Variants in AIG1 observed in about 807,000 individuals in gnomAD.
AIG1 encodes the protein androgen-induced gene 1 protein.
AIG1 carries 23 observed loss-of-function variants against 31.4 expected under a neutral mutation model. That is an observed-to-expected ratio of 0.73 (90% CI 0.53 to 1.04). The LOEUF (loss-of-function observed/expected upper bound fraction) is 1.04, where lower values mean the gene tolerates loss of function less well. Among genes scored for constraint, AIG1 ranks in the 50% least tolerant of loss-of-function variants. The probability of loss-of-function intolerance (pLI) is 0.00; values close to 1 mark genes in which losing one functional copy is unlikely to be tolerated. For synonymous variants in AIG1, 100 were observed against 110.5 expected (o/e 0.90, Z 0.60); for missense variants, 274 against 295.0 (o/e 0.93, Z 0.52).
rs1173979415 is a variant in AIG1, at chr6:143,280,650, T to C, written c.400-3460T>C. Among the ~76,000 whole-genome samples the C allele has an allele frequency of 6.6e-6, 1 of 152,180 alleles. No individual in the cohort carries two copies. The highest frequency in any genetic ancestry group is 2.4e-5 in the African/African-American group (1 of 41,442). On this transcript the variant is annotated intron_variant, in intron 3 of 5. Transcript: ENST00000357847. The surrounding 1 kb of genome is among the most constrained non-coding windows in gnomAD (Gnocchi z 4.1). ...AAAACCAAACACCGCATGTTCTCACTTATAAGTGGGAGCTAAATGATAAGA... is the reference window on the plus strand; with the variant it reads ...AAAACCAAACACCGCATGTTCTCACCTATAAGTGGGAGCTAAATGATAAGA...
At chr6:143,246,948 G>A in intron 3 of AIG1, among the ~76,000 whole-genome samples, 1 of 152,162 alleles carries the variant, frequency 6.6e-6, no homozygotes, top group East Asian at 1.9e-4. Context: ...TTTATGACAG[G>A]AAAAGGATAC....
intron 4 of AIG1, among the ~76,000 whole-genome samples, chr6:143,306,180 A>G (rs949198010): frequency 6.6e-5 from 10 of 151,710 alleles, no homozygotes; most frequent in African/African-American, 1.9e-4. Context: ...TCTTTATCCA[A>G]TTTACCAGTC....
intron 4 of AIG1, among the ~76,000 whole-genome samples, chr6:143,302,537 C>T (rs1333153207): frequency 6.6e-6 from 1 of 152,142 alleles, no homozygotes; most frequent in African/African-American, 2.4e-5. Context: ...ATCCATGTCC[C>T]TACAAAGGAC....
intron 2 of AIG1, among the ~76,000 whole-genome samples, chr6:143,147,857 A>G (rs1453455568): frequency 2.0e-5 from 3 of 152,120 alleles, no homozygotes; most frequent in Non-Finnish European, 4.4e-5. Flanking sequence ...AAAATGGAAT[A>G]ATGAGAGTTG....
chr6:143,074,399 T>C (rs573158223), intron 1 of AIG1, among the ~76,000 whole-genome samples: 93 of 152,354 alleles, frequency 6.1e-4, no homozygotes, highest in Admixed American at 5.9e-4. Flanking sequence ...ATGTCGATTA[T>C]GCATTTCATG....
rs1003381922 is a variant in AIG1 at position 143,189,544 on chromosome 6, C to T, written c.399+24361C>T. On this transcript the variant is annotated intron_variant, in intron 3 of 5. Transcript: ENST00000357847. ...AAGTTATTTGCTTATGAATTTTTCT[C>T]CAATTGCCTGTATTTGGTAAGTTTG... The T allele has an allele frequency of 1.0e-5, 10 of 985,218 alleles. No individual in the cohort carries two copies. The African/African-American group carries it at 1.6e-4, about 16-fold the overall frequency. 61.0% of individuals were successfully genotyped at this position (985,218 alleles called of 1,614,324 possible). A position where few individuals can be genotyped will look rare whatever the true frequency, so the allele number is the denominator to read the frequency against.
intron 4 of AIG1, among the ~76,000 whole-genome samples, chr6:143,289,100 A>G (rs982692756): frequency 6.6e-6 from 1 of 152,100 alleles, no homozygotes; most frequent in Non-Finnish European, 1.5e-5. Context: ...TCAGACCCTA[A>G]ATGGCATCAG....
At chr6:143,343,353 GC>G (rs941492160), downstream of AIG1, 5 of 586,672 alleles carry the variant, frequency 8.5e-6, no homozygotes, top group Non-Finnish European at 1.0e-5. Context: ...GAGGACTAAT[GC>G]CCCCCCAAAC....
chr6:143,171,444 T>C (rs1164532475), intron 3 of AIG1, among the ~76,000 whole-genome samples: 1 of 72,990 alleles, frequency 1.4e-5, no homozygotes, highest in South Asian at 4.8e-4. Context: ...ATATATATAA[T>C]ATATATATTT....
At chr6:143,187,009 C>T (rs1322726567) in intron 3 of AIG1, among the ~76,000 whole-genome samples, 2 of 152,100 alleles carry the variant, frequency 1.3e-5, no homozygotes, top group African/African-American at 4.8e-5. Flanking sequence ...AAATTAAAGC[C>T]TCCCTAGAGC....
At chr6:143,079,156 TC>T (rs1375372661) in intron 1 of AIG1, among the ~76,000 whole-genome samples, 2 of 152,170 alleles carry the variant, frequency 1.3e-5, no homozygotes, top group East Asian at 3.9e-4. Flanking sequence ...CAGCAGGACT[TC>T]CTCTTGCTTG....
Position 143,328,942 on chromosome 6 carries a change from G to A in AIG1, c.516-4340G>A, listed in dbSNP as rs891481693. Among the ~76,000 whole-genome samples, 1 of 152,168 alleles carries A rather than the reference G, an allele frequency of 6.6e-6. No individual in the cohort carries two copies. Among genetic ancestry groups the A allele is most frequent in the African/African-American group, 2.4e-5 (1 of 41,450 alleles). On this transcript the variant is annotated intron_variant, in intron 4 of 5. Coordinates refer to ENST00000357847, the MANE Select transcript of AIG1 (RefSeq NM_016108.4). The surrounding 1 kb of genome is among the most constrained non-coding windows in gnomAD (Gnocchi z 4.0). Reference sequence around the variant, plus strand: ...AAGACAAGAAGACCTTAGAAGGAGAGAAATTAAAAGTCAGCCAAGAACTAA... The same window carrying A: ...AAGACAAGAAGACCTTAGAAGGAGAAAAATTAAAAGTCAGCCAAGAACTAA...
chr6:143,180,288 C>T (rs1788600530), intron 3 of AIG1, among the ~76,000 whole-genome samples: 1 of 152,146 alleles, frequency 6.6e-6, no homozygotes, highest in Admixed American at 6.5e-5. Flanking sequence ...GAGAAAAACA[C>T]AAAACAGATG....
chr6:143,202,629 C>A lies in AIG1; in HGVS notation c.399+37446C>A, dbSNP rs147182138. Among the ~76,000 whole-genome samples, 23 of 152,192 alleles carry A rather than the reference C, an allele frequency of 1.5e-4. No homozygotes were observed. The East Asian group carries it at 4.4e-3, about 29-fold the overall frequency. On this transcript the variant is annotated intron_variant, in intron 3 of 5. Transcript: ENST00000357847. Reference sequence around the variant, plus strand: ...AAAGAGATTATGTTTTAGCTGCTGGCGGGAGGAGAATCTGCAGTTTAGGTG... The same window carrying A: ...AAAGAGATTATGTTTTAGCTGCTGGAGGGAGGAGAATCTGCAGTTTAGGTG...
chr6:143,194,462 C>T (rs1166297974), intron 3 of AIG1, among the ~76,000 whole-genome samples: 9 of 152,172 alleles, frequency 5.9e-5, no homozygotes, highest in African/African-American at 1.9e-4. Flanking sequence ...CAAACCAAAT[C>T]GCCCTATTAT....
At chr6:143,273,354 A>G (rs536599286) in intron 3 of AIG1, among the ~76,000 whole-genome samples, 2 of 152,274 alleles carry the variant, frequency 1.3e-5, no homozygotes, top group African/African-American at 4.8e-5. Flanking sequence ...TCATTTTTCT[A>G]TAGTTGCTCC....
At chr6:143,243,531 C>A (rs1230919574) in intron 3 of AIG1, among the ~76,000 whole-genome samples, 1 of 152,106 alleles carries the variant, frequency 6.6e-6, no homozygotes, top group Non-Finnish European at 1.5e-5. Context: ...GTATCATAGA[C>A]TACAAAATGC....
chr6:143,333,911 C>T lies in AIG1; in HGVS notation c.679+466C>T, dbSNP rs1777281941. Among the ~76,000 whole-genome samples, 1 of 152,146 alleles carries T rather than the reference C, an allele frequency of 6.6e-6. No homozygotes were observed. Among genetic ancestry groups the T allele is most frequent in the African/African-American group, 2.4e-5 (1 of 41,446 alleles). On this transcript the variant is annotated intron_variant, in intron 5 of 5. Transcript: ENST00000357847. This position sits in a 1 kb window ranked among gnomAD's most constrained non-coding sequence, Gnocchi z 4.6. ...AGGTCTTACTACCATTCTGCTAGAG[C>T]TCTATCTAAGCAGTGTGTGATGCTC...
intron 3 of AIG1, among the ~76,000 whole-genome samples, chr6:143,216,865 C>T (rs1280366664): frequency 2.0e-5 from 3 of 152,162 alleles, no homozygotes; most frequent in African/African-American, 4.8e-5. Flanking sequence ...GATATAGACT[C>T]AAGTGACAAG....
Sources: allele counts gnomAD v4.1 joint callset (sites outside exome capture counted in the v4.1 genomes callset), GRCh38; gene constraint gnomAD v4.1.1; non-coding constraint Gnocchi (gnomAD v3.1); transcripts MANE v1.5; gene names NCBI Gene and HGNC (gene_info 2026-07-23, HGNC 2026-07-21).